The following JARID2 variants were observed in gnomAD, a reference collection of about 807,000 sequenced individuals.
JARID2 encodes jumonji and AT-rich interaction domain containing 2, also known as protein Jumonji.
In JARID2, 21 loss-of-function variants were observed where a neutral mutation model predicts 125.6. The ratio of observed to expected loss-of-function variants is 0.17; its 90% confidence interval spans 0.12 to 0.24. The LOEUF (loss-of-function observed/expected upper bound fraction) is 0.24. Ranked by LOEUF, JARID2 falls within the 10% of genes least tolerant of loss-of-function variation. The probability of loss-of-function intolerance (pLI) is 1.00; values close to 1 mark genes in which losing one functional copy is unlikely to be tolerated. For missense variants in JARID2, 1,303 were observed against 1,639.6 expected (o/e 0.79, Z 3.55); for synonymous variants, 736 against 661.6 (o/e 1.11, Z -1.73).
At chr6:15,259,163 A>G (rs373043860) in intron 1 of JARID2, among the ~76,000 whole-genome samples, 1 of 152,180 alleles carries the variant, frequency 6.6e-6, no homozygotes, top group East Asian at 1.9e-4. Context: ...TTTTTTGCAT[A>G]CTTTTGAATG....
At chr6:15,376,242 A>G (rs746161590) in intron 2 of JARID2, among the ~76,000 whole-genome samples, 1 of 152,358 alleles carries the variant, frequency 6.6e-6, no homozygotes, top group Admixed American at 6.5e-5. Flanking sequence ...TAAAAAATAC[A>G]GAGACACCTC....
intron 1 of JARID2, among the ~76,000 whole-genome samples, chr6:15,261,311 CTTTTTTTTTTT>C (rs70996526): frequency 7.9e-6 from 1 of 125,826 alleles, no homozygotes. Flanking sequence ...TCTTCTTCTT[CTTTTTTTTTTT>C]TTTTTTTTTT....
At position 15,509,229 on chromosome 6, in the gene JARID2, G is replaced by A. The variant is rs552929766; in HGVS notation, c.2846+775G>A. ...ACTCTTTGGTGTCTTTGTTTACGGC[G>A]GCAGATGGGAAATGACTACAAATAA... On this transcript the variant is annotated intron_variant, in intron 12 of 17. Coordinates refer to ENST00000341776, the MANE Select transcript of JARID2 (RefSeq NM_004973.4). 9 of 1,210,102 alleles carry A rather than the reference G, an allele frequency of 7.4e-6. No individual in the cohort carries two copies. The East Asian group carries it at 2.3e-4, about 31-fold the overall frequency. 75.0% of individuals were successfully genotyped at this position (1,210,102 alleles called of 1,614,324 possible).
intron 3 of JARID2, among the ~76,000 whole-genome samples, chr6:15,432,075 G>A (rs193236575): frequency 4.4e-4 from 65 of 147,932 alleles, no homozygotes; most frequent in Middle Eastern, 6.9e-3. Flanking sequence ...TTTGAACAAA[G>A]AATTGGACAA....
chr6:15,448,370 G>A (rs1030938159), intron 3 of JARID2, among the ~76,000 whole-genome samples: 3 of 152,078 alleles, frequency 2.0e-5, no homozygotes, highest in Admixed American at 1.3e-4. Context: ...GTCTCGCTCC[G>A]TTGTCTGTGC....
At chr6:15,386,051 A>C (rs868739521) in intron 2 of JARID2, among the ~76,000 whole-genome samples, 28 of 152,194 alleles carry the variant, frequency 1.8e-4, no homozygotes, top group African/African-American at 6.5e-4. Flanking sequence ...GCTTTTAAGA[A>C]AAAGTAAAAA....
chr6:15,473,643 G>C (rs1387585416), intron 5 of JARID2, among the ~76,000 whole-genome samples: 1 of 151,422 alleles, frequency 6.6e-6, no homozygotes, highest in Non-Finnish European at 1.5e-5. Context: ...TATATTTATG[G>C]GTTTTATGTA....
intron 12 of JARID2, 103 bp from the exon 13 acceptor site, chr6:15,511,193 C>A: frequency 1.6e-6 from 1 of 613,780 alleles, no homozygotes; most frequent in South Asian, 1.9e-5. Flanking sequence ...TGGAGCAGAG[C>A]CTCTCGTGTG....
At chr6:15,321,048 G>A (rs1762338616) in intron 1 of JARID2, among the ~76,000 whole-genome samples, 2 of 152,038 alleles carry the variant, frequency 1.3e-5, no homozygotes, top group African/African-American at 4.8e-5. Flanking sequence ...GTAGTATTTT[G>A]CAGTAGTTAG....
chr6:15,311,574 G>C (rs1325575997), intron 1 of JARID2, among the ~76,000 whole-genome samples: 3 of 152,060 alleles, frequency 2.0e-5, no homozygotes, highest in African/African-American at 7.2e-5. Context: ...GCGAAACTCC[G>C]TCTCAAGAAA....
chr6:15,331,849 G>A (rs930106086), intron 1 of JARID2, among the ~76,000 whole-genome samples: 27 of 152,110 alleles, frequency 1.8e-4, no homozygotes, highest in Admixed American at 1.8e-3. Flanking sequence ...CCCCCTTTCT[G>A]CAGTTTCGCT....
intron 3 of JARID2, among the ~76,000 whole-genome samples, chr6:15,417,647 T>TGA (rs1359371150): frequency 6.6e-6 from 1 of 152,052 alleles, no homozygotes; most frequent in Non-Finnish European, 1.5e-5. Context: ...GAGGGTGAGA[T>TGA]GAGAGGATCG....
intron 1 of JARID2, among the ~76,000 whole-genome samples, chr6:15,254,903 G>A (rs763589107): frequency 2.0e-5 from 3 of 151,310 alleles, no homozygotes; most frequent in South Asian, 2.1e-4. Flanking sequence ...TTAGCCAGGC[G>A]TGGTGGTGGG....
chr6:15,367,180 A>G (rs1425202082), intron 1 of JARID2, among the ~76,000 whole-genome samples: 2 of 152,218 alleles, frequency 1.3e-5, no homozygotes, highest in East Asian at 1.9e-4. Flanking sequence ...CCTGCAAGTG[A>G]TAGGAAATTA....
chr6:15,250,405 C>T (rs763746339), intron 1 of JARID2, among the ~76,000 whole-genome samples: 2 of 152,022 alleles, frequency 1.3e-5, no homozygotes, highest in African/African-American at 2.4e-5. Flanking sequence ...GAAATTTGCA[C>T]GTTATTTTAT....
At chr6:15,282,738 A>G (rs570150988) in intron 1 of JARID2, among the ~76,000 whole-genome samples, 3 of 151,898 alleles carry the variant, frequency 2.0e-5, no homozygotes, top group Non-Finnish European at 4.4e-5. Context: ...AGTAGCTGAG[A>G]TTACAGGCAT....
At chr6:15,435,724 A>T in intron 3 of JARID2, among the ~76,000 whole-genome samples, 1 of 151,748 alleles carries the variant, frequency 6.6e-6, no homozygotes, top group Non-Finnish European at 1.5e-5. Context: ...TATTTTTTTA[A>T]TTTTAAATAA....
chr6:15,504,435 T>G (rs1770896761), intron 8 of JARID2, 65 bp from the exon 9 acceptor site: 2 of 1,209,152 alleles, frequency 1.7e-6, no homozygotes, highest in African/African-American at 3.0e-5. Flanking sequence ...GACAGGTGTC[T>G]GGCCTCATTT....
At chr6:15,334,924 A>G (rs1762827958) in intron 1 of JARID2, among the ~76,000 whole-genome samples, 1 of 152,184 alleles carries the variant, frequency 6.6e-6, no homozygotes, top group Non-Finnish European at 1.5e-5. Flanking sequence ...AATTAGTGGT[A>G]TTAAACCAGT....
Sources: gnomAD v4.1 joint callset for allele counts (sites outside exome capture counted in the v4.1 genomes callset) on GRCh38, gnomAD v4.1.1 for gene constraint, MANE v1.5 for transcripts, NCBI Gene and HGNC (gene_info 2026-07-23, HGNC 2026-07-21) for gene names.